The following ETAA1 variants were observed in gnomAD, a reference collection of about 807,000 sequenced individuals.
ETAA1 encodes the protein ETAA1 activator of ATR kinase.
ETAA1 carries 49 observed loss-of-function variants against 76.8 expected under a neutral mutation model. The observed-to-expected ratio is 0.64, with a 90% CI of 0.51 to 0.81. The LOEUF is 0.81. Ranked by LOEUF, ETAA1 falls within the 30% of genes least tolerant of loss-of-function variation. The pLI is 0.00. For missense variants in ETAA1, 1,099 were observed against 1,074.0 expected, an observed-to-expected ratio of 1.02 and a Z score of -0.32; for synonymous variants, 373 against 372.2, an observed-to-expected ratio of 1.00 and a Z score of -0.03.
rs148257995 is a variant in ETAA1 at position 67,403,869 on chromosome 2, A to G, written c.1187A>G (p.Asn396Ser). 105 of 1,613,200 alleles carry G rather than the reference A, an allele frequency of 6.5e-5. No individual in the cohort carries two copies. The East Asian group carries it at 2.2e-3, about 34-fold the overall frequency. The change falls in exon 5 of 6, where the codon AAT (asparagine) becomes AGT (serine). Residue 396 changes from asparagine to serine, a missense_variant. Physicochemically the swap from Asn to Ser is conservative, Grantham distance 46. This residue lies in a region of ETAA1 where 761 missense variants were observed against 731.9 expected (regional missense o/e 1.04). Transcript: ENST00000272342. ...GGTAGTGAACCTTTTGCTATGCAAA[A>G]TATCGACATGCCTGAACTCTTTCCT... ...LLGSEPFAMQ[N>S]IDMPELFPSK... is the part of the protein sequence containing the mutation.
chr2:67,397,706 G>C (rs528491231), intron 1 of ETAA1, 35 bp downstream of exon 1: 2 of 1,534,286 alleles, frequency 1.3e-6, no homozygotes, highest in East Asian at 4.9e-5. Flanking sequence ...CCTTGGCTTC[G>C]GCGCCGCATC....
intron 3 of ETAA1, chr2:67,400,629 T>C (rs1213552123): frequency 2.0e-5 from 3 of 152,198 alleles, no homozygotes; most frequent in Admixed American, 2.0e-4. Flanking sequence ...TGTTCTCTTT[T>C]TCTTATTTAA....
chr2:67,408,606 T>C (rs1396538125), intron 5 of ETAA1, among the ~76,000 whole-genome samples: 1 of 152,154 alleles, frequency 6.6e-6, no homozygotes, highest in African/African-American at 2.4e-5. Context: ...CTTAGTACTT[T>C]ACAATATTTT....
intron 2 of ETAA1, 50 bp downstream of exon 2, chr2:67,399,347 T>C (rs1400419977): frequency 1.3e-6 from 2 of 1,512,946 alleles, no homozygotes; most frequent in South Asian, 2.4e-5. Context: ...GATAAATGAT[T>C]CAGATTTAAC....
chr2:67,400,895 A>G (rs1676035141), intron 3 of ETAA1: 1 of 152,154 alleles, frequency 6.6e-6, no homozygotes. Flanking sequence ...TCTACATTCC[A>G]TTTTTAGCAT....
intron 5 of ETAA1, among the ~76,000 whole-genome samples, chr2:67,405,822 G>C (rs1273794726): frequency 6.6e-6 from 1 of 151,972 alleles, no homozygotes; most frequent in Non-Finnish European, 1.5e-5. Flanking sequence ...AGCGGTGATG[G>C]TTAAAATTAT....
chr2:67,409,918 AGAG>A lies in ETAA1; in HGVS notation c.2662_2664del (p.Glu888del). The A allele has an allele frequency of 6.3e-7, 1 of 1,591,648 alleles. No homozygotes were observed. Among genetic ancestry groups the A allele is most frequent in the East Asian group, 2.3e-5 (1 of 44,346 alleles). ...CTTTTGTTGAATTTTTAGAGGAAGA[AGAG>A]AAAAATAGAAAGTGTTCTCCTGAAG... On this transcript the variant is annotated inframe_deletion, in exon 6 of 6. Transcript: ENST00000272342.
Position 67,410,259 on chromosome 2 carries a change from AAGTT to A in ETAA1, c.*224_*227del. 1 of 479,036 alleles carries A rather than the reference AAGTT, an allele frequency of 2.1e-6. No individual in the cohort carries two copies. The highest frequency in any genetic ancestry group is 4.1e-5 in the Admixed American group (1 of 24,374). 29.7% of individuals were successfully genotyped at this position (479,036 alleles called of 1,614,324 possible). On this transcript the variant is annotated 3_prime_UTR_variant, in exon 6 of 6. Transcript: ENST00000272342. ...ATACAAAAGTTTTGGAAATTCAGGA[AAGTT>A]AGCAATTATGTACGGATATTATACA...
At chr2:67,407,297 A>G (rs1411069340) in intron 5 of ETAA1, among the ~76,000 whole-genome samples, 1 of 151,940 alleles carries the variant, frequency 6.6e-6, no homozygotes, top group East Asian at 1.9e-4. Context: ...GTTGTAAAAA[A>G]GTTTATGAAT....
At chr2:67,403,036 C>T (rs542105320) in intron 4 of ETAA1, 62 bp downstream of exon 4, 10 of 1,413,022 alleles carry the variant, frequency 7.1e-6, no homozygotes, top group South Asian at 1.4e-5. Context: ...TGATAATACT[C>T]CATTTTGGTT....
intron 5 of ETAA1, among the ~76,000 whole-genome samples, chr2:67,407,547 G>C (rs976269835): frequency 6.6e-6 from 1 of 152,056 alleles, no homozygotes; most frequent in African/African-American, 2.4e-5. Flanking sequence ...ACAGTGTGGG[G>C]GTTAGAGGCG....
chr2:67,401,597 TAAC>T (rs953385907), intron 3 of ETAA1: 3 of 151,890 alleles, frequency 2.0e-5, no homozygotes, highest in African/African-American at 7.2e-5. Context: ...AAATATGTAA[TAAC>T]ATGTATAAAT....
In ETAA1 at chr2:67,397,605, C is replaced by T. The variant is rs1466871195; in HGVS notation, c.157C>T (p.Pro53Ser). ...GCCCTGCGGGGCTAGAGAGGGGCCT[C>T]CCGGGCCAGTGCGGCAGCGAGAGCA... ...SWPCGAREGP[P>S]GPVRQREQPP... Residue 53 changes from proline (P) to serine (S), a missense_variant, in exon 1 of 6, where the codon CCC becomes TCC. Pro to Ser is a moderately conservative substitution (Grantham distance 74). This residue lies in a region of ETAA1 where 761 missense variants were observed against 731.9 expected (regional missense o/e 1.04). Coordinates refer to ENST00000272342, the MANE Select transcript of ETAA1 (RefSeq NM_019002.4). 1.3e-6 allele frequency: 2 copies of T among 1,550,546 alleles called. No homozygotes were observed. The highest frequency in any genetic ancestry group is 1.7e-6 in the Non-Finnish European group (2 of 1,147,860).
chr2:67,408,400 A>G (rs1007729718), intron 5 of ETAA1, among the ~76,000 whole-genome samples: 3 of 152,170 alleles, frequency 2.0e-5, no homozygotes, highest in Non-Finnish European at 2.9e-5. Flanking sequence ...TTGTCCATAA[A>G]CAGGTTTTAT....
chr2:67,399,469 T>C (rs1336206241), intron 2 of ETAA1, 81 bp from the exon 3 acceptor site: 1 of 1,223,490 alleles, frequency 8.2e-7, no homozygotes, highest in Non-Finnish European at 1.2e-6. Flanking sequence ...TAAATAAAAT[T>C]ACTTTCTAAG....
In ETAA1 at chr2:67,405,177, T is replaced by C. The variant is rs1676180014; in HGVS notation, c.2495T>C (p.Leu832Pro). The C allele has an allele frequency of 6.2e-7, 1 of 1,612,406 alleles. No individual in the cohort carries two copies. Among genetic ancestry groups the C allele is most frequent in the Non-Finnish European group, 8.5e-7 (1 of 1,179,182 alleles). Residue 832 changes from leucine to proline, a missense_variant, in exon 5 of 6, where the codon CTT (leucine) becomes CCT (proline). Physicochemically the swap from Leu to Pro is moderately conservative, Grantham distance 98. Coordinates refer to ENST00000272342, the MANE Select transcript of ETAA1 (RefSeq NM_019002.4). ...TFTRMKNSQI[L>P]SQFNQNCITG... is the part of the protein sequence containing the mutation. The stretch of plus-strand genomic sequence containing the variant: ...ACAAGGATGAAAAATTCTCAGATTC[T>C]TTCTCAGTTTAATCAAAATTGTATA...
intron 1 of ETAA1, 41 bp downstream of exon 1, chr2:67,397,712 G>A: frequency 2.0e-6 from 3 of 1,523,000 alleles, no homozygotes. Flanking sequence ...CTTCGGCGCC[G>A]CATCCCCACA....
At position 67,404,113 on chromosome 2, in the gene ETAA1, T is replaced by G. The variant is rs1043943851; in HGVS notation, c.1431T>G (p.Asn477Lys). ...AATCAAACAAATTATCCACTGGAAA[T>G]AAAATGAAATTTGAGAACTCTTCCA... The part of the protein sequence containing the change: ...SNKSNKLSTG[N>K]KMKFENSSNK... Residue 477 changes from asparagine (N) to lysine (K), a missense_variant, in exon 5 of 6, where the codon AAT (asparagine) becomes AAG (lysine). Around this residue, in one of 3 missense-constraint regions of ETAA1, gnomAD observed 761 missense variants for 731.9 expected, o/e 1.04. Coordinates refer to ENST00000272342, the MANE Select transcript of ETAA1 (RefSeq NM_019002.4). The G allele has an allele frequency of 3.8e-6, 6 of 1,589,948 alleles. No homozygotes were observed. The highest frequency in any genetic ancestry group is 5.1e-6 in the Non-Finnish European group (6 of 1,171,678).
rs1270208911 is a variant in ETAA1, at chr2:67,399,290, G to A, written c.345G>A (p.Lys115=). 1 of 1,605,914 alleles carries A rather than the reference G, an allele frequency of 6.2e-7. No homozygotes were observed. The highest frequency in any genetic ancestry group is 8.5e-7 in the Non-Finnish European group (1 of 1,177,016). Residue 115 remains lysine, a synonymous_variant, in exon 2 of 6, where the codon AAG becomes AAA. Coordinates refer to ENST00000272342, the MANE Select transcript of ETAA1 (RefSeq NM_019002.4). ...IFWDQNSPLT[K]QLGKGRKKQI... ...GGGATCAGAATTCTCCATTGACAAA[G>A]CAGTTAGGTAATTAATTATTAACAT...
Sources: allele counts gnomAD v4.1 joint callset (sites outside exome capture counted in the v4.1 genomes callset), GRCh38; gene constraint gnomAD v4.1.1; regional missense constraint gnomAD v4.1.1; transcripts MANE v1.5; gene names NCBI Gene and HGNC (gene_info 2026-07-23, HGNC 2026-07-21).